Variants in HSPH1 observed in about 807,000 individuals in gnomAD.
HSPH1 encodes heat shock protein 105 kDa.
HSPH1 carries 40 observed loss-of-function variants against 100.0 expected under a neutral mutation model. The observed-to-expected ratio is 0.40, with a 90% CI of 0.31 to 0.52. The LOEUF is 0.52. HSPH1 is among the 20% of genes least tolerant of loss of function. The pLI is 0.54. For synonymous variants in HSPH1, 403 were observed against 344.0 expected (o/e 1.17, Z -1.90); for missense variants, 876 against 1,015.1 (o/e 0.86, Z 1.86).
At position 31,136,964 on chromosome 13, in the gene HSPH1, G is replaced by A; in HGVS notation, c.*354C>T. ...AGCAAAATGCAAGAAAACTACCTTG[G>A]CAGGAACAAATGCTTAAAGATTTTA... On this transcript the variant is annotated 3_prime_UTR_variant, in exon 18 of 18. Transcript: ENST00000320027. 1 of 339,006 alleles carries A rather than the reference G, an allele frequency of 2.9e-6. No individual in the cohort carries two copies. The highest frequency in any genetic ancestry group is 5.9e-6 in the Non-Finnish European group (1 of 170,642). The allele number at this position is 339,006 out of a possible 1,614,324, so 21.0% of individuals were successfully genotyped here.
chr13:31,151,716 G>C lies in HSPH1; in HGVS notation c.556C>G (p.Gln186Glu), dbSNP rs1270654100. ...TTCTCATCCAGGCTTGGGAGATCCT[G>C]CTTATAAATTCCGTAATTCAAAGCA... ...AVALNYGIYKQDLPSLDEKPR... is the reference protein window; with the variant it reads ...AVALNYGIYKEDLPSLDEKPR... Residue 186 changes from glutamine to glutamate, a missense_variant, in exon 6 of 18, where the codon CAG (glutamine) becomes GAG (glutamate). Coordinates refer to ENST00000320027, the MANE Select transcript of HSPH1 (RefSeq NM_006644.4). The C allele has an allele frequency of 1.2e-6, 2 of 1,609,362 alleles. No homozygotes were observed. Among genetic ancestry groups the C allele is most frequent in the African/African-American group, 1.3e-5 (1 of 74,562 alleles).
chr13:31,157,543 A>G (rs890230130), intron 2 of HSPH1, among the ~76,000 whole-genome samples: 1 of 152,244 alleles, frequency 6.6e-6, no homozygotes, highest in African/African-American at 2.4e-5. Context: ...TTTGTTTTCA[A>G]ATCTGACCTG....
At chr13:31,150,243 CA>C in intron 7 of HSPH1, 61 bp from the exon 8 acceptor site, 1 of 1,171,334 alleles carries the variant, frequency 8.5e-7, no homozygotes, top group South Asian at 1.5e-5. Context: ...CTACTTTTGA[CA>C]ACCCAATGAA....
At chr13:31,141,741 G>A (rs1956098421) in intron 12 of HSPH1, among the ~76,000 whole-genome samples, 1 of 151,762 alleles carries the variant, frequency 6.6e-6, no homozygotes, top group Non-Finnish European at 1.5e-5. Context: ...GCTGATGAGT[G>A]CCTTTTAAAA....
chr13:31,143,913 T>C lies in HSPH1; in HGVS notation c.1595A>G (p.Gln532Arg), dbSNP rs749939410. ...PENPDTDKNV[Q>R]QDNSEAGTQP... ...TGTTCCAGCTTCACTGTTGTCTTGC[T>C]GGACATTTTTCTGAAATGAAAGCCC... is the stretch of plus-strand genomic sequence containing the variant. Residue 532 changes from glutamine to arginine, a missense_variant, in exon 12 of 18, where the codon CAG becomes CGG. By Grantham distance (43) the Gln-to-Arg change is conservative. Transcript: ENST00000320027. The C allele has an allele frequency of 6.3e-7, 1 of 1,594,308 alleles. No individual in the cohort carries two copies. The highest frequency in any genetic ancestry group is 8.5e-7 in the Non-Finnish European group (1 of 1,170,416).
At chr13:31,158,689 T>C in intron 2 of HSPH1, 117 bp downstream of exon 2, 3 of 658,560 alleles carry the variant, frequency 4.6e-6, no homozygotes, top group Non-Finnish European at 8.3e-6. Flanking sequence ...AATTACATTT[T>C]TAAAACTCAA....
chr13:31,138,380 C>G, intron 17 of HSPH1, 27 bp downstream of exon 17: 1 of 1,605,862 alleles, frequency 6.2e-7, no homozygotes, highest in South Asian at 1.1e-5. Context: ...GTGAACCCAG[C>G]AGTAAACACG....
Position 31,137,454 on chromosome 13 carries a change from C to G in HSPH1, c.2441G>C (p.Arg814Thr), listed in dbSNP as rs1955922218. Reference protein sequence around the residue: ...KPKIESPKLERTPNGPNIDKK... With the variant: ...KPKIESPKLETTPNGPNIDKK... ...ATCAATATTTGGGCCATTTGGAGTT[C>G]TTTCCAGTTTGGGTGATTCAATTTT... Residue 814 changes from arginine (R) to threonine (T), a missense_variant, in exon 18 of 18, where the codon AGA (arginine) becomes ACA (threonine). Arg to Thr is a moderately conservative substitution (Grantham distance 71, BLOSUM62 -1). Coordinates refer to ENST00000320027, the MANE Select transcript of HSPH1 (RefSeq NM_006644.4). The G allele has an allele frequency of 1.9e-6, 3 of 1,613,560 alleles. No homozygotes were observed. The highest frequency in any genetic ancestry group is 1.7e-6 in the Non-Finnish European group (2 of 1,179,708).
intron 11 of HSPH1, among the ~76,000 whole-genome samples, chr13:31,144,362 C>G (rs1011277744): frequency 2.0e-5 from 3 of 152,108 alleles, no homozygotes; most frequent in African/African-American, 7.2e-5. Flanking sequence ...TAAACAGTTA[C>G]ATAAAATGGC....
intron 2 of HSPH1, 39 bp downstream of exon 2, chr13:31,158,767 C>T (rs754118398): frequency 6.1e-6 from 8 of 1,313,188 alleles, no homozygotes; most frequent in African/African-American, 1.5e-5. Flanking sequence ...TAAAAACTCC[C>T]CCCTTAAAAA....
chr13:31,139,675 TTTATCTAGTCA>T (rs1287449341), intron 14 of HSPH1, among the ~76,000 whole-genome samples: 1 of 152,086 alleles, frequency 6.6e-6, no homozygotes, highest in Non-Finnish European at 1.5e-5. Context: ...ATCCTAGATT[TTTATCTAGTCA>T]GTTTCTTTTT....
At chr13:31,160,047 G>A (rs545453950) in intron 1 of HSPH1, among the ~76,000 whole-genome samples, 8 of 152,250 alleles carry the variant, frequency 5.3e-5, no homozygotes, top group South Asian at 2.1e-4. Flanking sequence ...ATATTAAGGG[G>A]AACTCCAATA....
chr13:31,140,181 T>C lies in HSPH1; in HGVS notation c.1980+3A>G. On this transcript the variant is annotated splice_donor_region_variant and intron_variant, in intron 14 of 17. Transcript: ENST00000320027. ...TGAACAAAAACAGAGCTCTAAGACA[T>C]ACCTGCTCACATATAAATTTTTCAT... is the stretch of plus-strand genomic sequence containing the variant. 1 of 1,610,174 alleles carries C rather than the reference T, an allele frequency of 6.2e-7. No individual in the cohort carries two copies.
intron 10 of HSPH1, among the ~76,000 whole-genome samples, chr13:31,146,623 T>G (rs1467100453): frequency 6.6e-6 from 1 of 152,192 alleles, no homozygotes. Context: ...CTGAAATTAT[T>G]ATGTACAATA....
chr13:31,142,546 C>G (rs1006504545), intron 12 of HSPH1, among the ~76,000 whole-genome samples: 1 of 152,018 alleles, frequency 6.6e-6, no homozygotes, highest in Non-Finnish European at 1.5e-5. Context: ...TGTTGGGAAA[C>G]AAATGGATAA....
At chr13:31,156,835 C>A (rs17075586) in intron 2 of HSPH1, among the ~76,000 whole-genome samples, 1 of 152,096 alleles carries the variant, frequency 6.6e-6, no homozygotes, top group African/African-American at 2.4e-5. Context: ...ACACAACTGG[C>A]GCACGTTTGT....
intron 10 of HSPH1, among the ~76,000 whole-genome samples, chr13:31,147,508 C>G (rs1956308017): frequency 6.6e-6 from 1 of 152,012 alleles, no homozygotes; most frequent in African/African-American, 2.4e-5. Flanking sequence ...AAAAACTTAT[C>G]TTTAGAAAAG....
At chr13:31,152,801 A>G (rs1478860231) in intron 5 of HSPH1, 51 bp downstream of exon 5, 1 of 1,206,598 alleles carries the variant, frequency 8.3e-7, no homozygotes, top group African/African-American at 1.5e-5. Flanking sequence ...CACTGAGAAC[A>G]TCTTTAGTTC....
chr13:31,141,797 TACATACACACAC>T (rs1174453191), intron 12 of HSPH1, among the ~76,000 whole-genome samples: 13 of 124,130 alleles, frequency 1.0e-4, no homozygotes, highest in South Asian at 2.4e-4. Context: ...TCCATACACA[TACATACACACAC>T]ACACACACAC....
Sources: gnomAD v4.1 joint callset for allele counts (sites outside exome capture counted in the v4.1 genomes callset) on GRCh38, gnomAD v4.1.1 for gene constraint, MANE v1.5 for transcripts, NCBI Gene and HGNC (gene_info 2026-07-23, HGNC 2026-07-21) for gene names.